Variants in ITPR1 observed in about 807,000 individuals in gnomAD.
ITPR1 encodes the protein inositol 1,4,5-trisphosphate receptor type 1.
ITPR1 carries 96 observed loss-of-function variants against 318.4 expected under a neutral mutation model. The observed-to-expected ratio is 0.30, with a 90% CI of 0.26 to 0.36. ITPR1 has a LOEUF of 0.36. Ranked by LOEUF, ITPR1 falls within the 10% of genes least tolerant of loss-of-function variation. The pLI, the probability that ITPR1 is intolerant of heterozygous loss-of-function variation, is 1.00. For synonymous variants in ITPR1, 1,312 were observed against 1,289.9 expected (o/e 1.02, Z -0.37); for missense variants, 2,440 against 3,460.2 (o/e 0.71, Z 7.40).
chr3:4,659,403 G>A (rs752879062), intron 13 of ITPR1, among the ~76,000 whole-genome samples: 2 of 152,210 alleles, frequency 1.3e-5, no homozygotes, highest in South Asian at 2.1e-4. Flanking sequence ...TAATCAGGCC[G>A]GGCGCAGTGC....
At chr3:4,722,081 G>A (rs948435835) in intron 40 of ITPR1, among the ~76,000 whole-genome samples, 3 of 152,126 alleles carry the variant, frequency 2.0e-5, no homozygotes, top group East Asian at 1.9e-4. Context: ...GGCCTGATTC[G>A]TGGCCTCATC....
At chr3:4,555,223 C>T (rs1020852169) in intron 4 of ITPR1, among the ~76,000 whole-genome samples, 1 of 152,172 alleles carries the variant, frequency 6.6e-6, no homozygotes, top group Non-Finnish European at 1.5e-5. Flanking sequence ...ATCCCTGCCT[C>T]TCCTGCTTTA....
chr3:4,655,034 A>G (rs993944466), intron 12 of ITPR1, among the ~76,000 whole-genome samples: 4 of 152,140 alleles, frequency 2.6e-5, no homozygotes, highest in Non-Finnish European at 4.4e-5. Context: ...TATGGCTTGG[A>G]AAACCCTGAC....
intron 33 of ITPR1, among the ~76,000 whole-genome samples, chr3:4,696,216 T>A (rs9682208): frequency 0.48 from 73,653 of 152,014 alleles, 18,447 homozygotes; most frequent in Non-Finnish European, 0.53. Flanking sequence ...ATTTAGTTAC[T>A]GAATATTTTC....
At chr3:4,549,392 T>C (rs1178346388) in intron 4 of ITPR1, among the ~76,000 whole-genome samples, 1 of 152,214 alleles carries the variant, frequency 6.6e-6, no homozygotes, top group African/African-American at 2.4e-5. Flanking sequence ...ACTTCTAAGC[T>C]TCTAAAATCC....
chr3:4,824,686 G>A (rs900104926), intron 60 of ITPR1, among the ~76,000 whole-genome samples: 2 of 152,158 alleles, frequency 1.3e-5, no homozygotes, highest in Non-Finnish European at 2.9e-5. Flanking sequence ...AGAGAGGAGA[G>A]TGGGAAAGAG....
intron 4 of ITPR1, among the ~76,000 whole-genome samples, chr3:4,609,069 TATATATATATATATATATATAC>T (rs1212183977): frequency 4.4e-5 from 4 of 91,534 alleles, no homozygotes; most frequent in Admixed American, 1.1e-4. Context: ...TATATATATA[TATATATATATATATATATATAC>T]ACACACACGT....
chr3:4,629,325 T>C (rs967867161), intron 5 of ITPR1, among the ~76,000 whole-genome samples: 2 of 152,208 alleles, frequency 1.3e-5, no homozygotes, highest in African/African-American at 2.4e-5. Flanking sequence ...GCTAGGACTT[T>C]GAGCCTTTGT....
intron 19 of ITPR1, 30 bp downstream of exon 19, chr3:4,669,803 A>C: frequency 6.3e-7 from 1 of 1,587,016 alleles, no homozygotes; most frequent in Non-Finnish European, 8.6e-7. Flanking sequence ...TTAGATGGAA[A>C]ACATGGGGTT....
At chr3:4,767,334 G>GC (rs1321847649) in intron 45 of ITPR1, among the ~76,000 whole-genome samples, 1 of 152,228 alleles carries the variant, frequency 6.6e-6, no homozygotes, top group African/African-American at 2.4e-5. Context: ...CCCAGTAGAT[G>GC]CCAGCAGCAT....
chr3:4,788,201 G>A, intron 52 of ITPR1, 62 bp downstream of exon 52: 1 of 1,347,190 alleles, frequency 7.4e-7, no homozygotes, highest in South Asian at 1.3e-5. Context: ...CACAAACTTG[G>A]GCTTGATGGT....
intron 44 of ITPR1, among the ~76,000 whole-genome samples, chr3:4,742,653 C>G (rs1231387225): frequency 6.6e-6 from 1 of 152,178 alleles, no homozygotes; most frequent in Non-Finnish European, 1.5e-5. Context: ...GAGATAGGGT[C>G]TTGCTATGTT....
intron 47 of ITPR1, 109 bp from the exon 48 acceptor site, chr3:4,777,155 T>C: frequency 1.6e-6 from 1 of 640,528 alleles, no homozygotes. Flanking sequence ...CCTAGAGACA[T>C]TACTGGGAGT....
intron 55 of ITPR1, among the ~76,000 whole-genome samples, chr3:4,806,652 T>A (rs2048572892): frequency 6.6e-6 from 1 of 151,872 alleles, no homozygotes; most frequent in South Asian, 2.1e-4. Flanking sequence ...TCTCAGGGAG[T>A]CCATTTCTTG....
At chr3:4,655,130 G>C (rs1392141305) in intron 12 of ITPR1, among the ~76,000 whole-genome samples, 11 of 152,270 alleles carry the variant, frequency 7.2e-5, no homozygotes, top group African/African-American at 2.6e-4. Context: ...TTGAACACTT[G>C]GACTGGGAGG....
chr3:4,527,033 G>T lies in ITPR1; in HGVS notation c.163+5939G>T, dbSNP rs142293097. Among the ~76,000 whole-genome samples, 989 of 152,278 alleles carry T rather than the reference G, an allele frequency of 6.5e-3. 4 individuals are homozygous for T. The highest frequency in any genetic ancestry group is 0.011 in the Non-Finnish European group (764 of 68,014). On this transcript the variant is annotated intron_variant, in intron 4 of 61. Coordinates refer to ENST00000649015, the MANE Select transcript of ITPR1 (RefSeq NM_001378452.1). ...GATGCTTTTCATGTCCTAATCTTTC[G>T]CTGTGCAGCACCCTGAGACCAGAGC...
chr3:4,682,099 A>G (rs2094314120), intron 26 of ITPR1, among the ~76,000 whole-genome samples: 1 of 152,208 alleles, frequency 6.6e-6, no homozygotes, highest in Non-Finnish European at 1.5e-5. Flanking sequence ...AACCACCACC[A>G]TTTTATTAAT....
chr3:4,529,140 T>G (rs1431713438), intron 4 of ITPR1, among the ~76,000 whole-genome samples: 1 of 152,212 alleles, frequency 6.6e-6, no homozygotes, highest in Non-Finnish European at 1.5e-5. Context: ...TGTGTTTACT[T>G]TGATGCCCTG....
chr3:4,678,539 C>G (rs537494675), intron 24 of ITPR1, among the ~76,000 whole-genome samples: 1 of 152,138 alleles, frequency 6.6e-6, no homozygotes, highest in Non-Finnish European at 1.5e-5. Context: ...AAAAATGATT[C>G]GAACAGGGGC....
Sources: allele counts gnomAD v4.1 joint callset (sites outside exome capture counted in the v4.1 genomes callset), GRCh38; gene constraint gnomAD v4.1.1; transcripts MANE v1.5; gene names NCBI Gene and HGNC (gene_info 2026-07-23, HGNC 2026-07-21).